Variants in ATP2B2 observed in about 807,000 individuals in gnomAD.
ATP2B2 encodes the protein plasma membrane calcium-transporting ATPase 2.
ATP2B2 carries 15 observed loss-of-function variants against 120.0 expected under a neutral mutation model. That is an observed-to-expected ratio of 0.12 (90% CI 0.08 to 0.19). ATP2B2 has a LOEUF of 0.19. Ranked by LOEUF, ATP2B2 falls within the 10% of genes least tolerant of loss-of-function variation. The pLI, the probability that ATP2B2 is intolerant of heterozygous loss-of-function variation, is 1.00. For missense variants in ATP2B2, 1,045 were observed against 1,719.8 expected (o/e 0.61, Z 6.94); for synonymous variants, 694 against 700.3 (o/e 0.99, Z 0.14).
At chr3:10,368,874 C>T (rs1386992610) in intron 12 of ATP2B2, among the ~76,000 whole-genome samples, 1 of 152,208 alleles carries the variant, frequency 6.6e-6, no homozygotes, top group African/African-American at 2.4e-5. Context: ...ATTGATTGCT[C>T]ATCAACACAT....
chr3:10,464,686 T>C lies in ATP2B2; in HGVS notation c.-319-14824A>G, dbSNP rs183279899. On this transcript the variant is annotated intron_variant, in intron 1 of 22. Coordinates refer to ENST00000360273, the MANE Select transcript of ATP2B2 (RefSeq NM_001001331.4). ...CACTTAAGTCGTTCTCTGGCCTTAG[T>C]TGTCACTTCTCTGAAATGGAGACAA... 2.7e-3 allele frequency among the ~76,000 whole-genome samples: 411 copies of C among 152,310 alleles called. 4 individuals carry two copies. The highest frequency in any genetic ancestry group is 9.5e-3 in the African/African-American group (395 of 41,564).
chr3:10,470,886 A>G (rs1312822733), intron 1 of ATP2B2, among the ~76,000 whole-genome samples: 2 of 152,212 alleles, frequency 1.3e-5, no homozygotes, highest in Non-Finnish European at 2.9e-5. Context: ...AGACAGGGAC[A>G]TGCAGGTTGC....
At chr3:10,684,703 G>A (rs1187702266) in intron 1 of ATP2B2, among the ~76,000 whole-genome samples, 2 of 152,200 alleles carry the variant, frequency 1.3e-5, no homozygotes, top group Non-Finnish European at 2.9e-5. Flanking sequence ...CAATATGTCC[G>A]GATCAAGGTC....
At chr3:10,334,509 C>T (rs929511803) in intron 22 of ATP2B2, among the ~76,000 whole-genome samples, 5 of 152,122 alleles carry the variant, frequency 3.3e-5, no homozygotes, top group South Asian at 2.1e-4. Flanking sequence ...AGGATGGGAC[C>T]GGTGTTGCCT....
intron 3 of ATP2B2, among the ~76,000 whole-genome samples, chr3:10,520,769 TTC>T: frequency 6.6e-6 from 1 of 151,926 alleles, no homozygotes; most frequent in Non-Finnish European, 1.5e-5. Flanking sequence ...TTTTTTTTTT[TTC>T]TTTTTTTTCT....
chr3:10,695,013 AT>A (rs1483838824), intron 1 of ATP2B2, among the ~76,000 whole-genome samples: 2 of 151,998 alleles, frequency 1.3e-5, no homozygotes, highest in Non-Finnish European at 2.9e-5. Flanking sequence ...CACTCTTTGA[AT>A]TTTGGGTGAC....
At chr3:10,455,479 C>T (rs1267442879) in intron 1 of ATP2B2, among the ~76,000 whole-genome samples, 1 of 152,182 alleles carries the variant, frequency 6.6e-6, no homozygotes. Context: ...TGGGGATGAC[C>T]CTGTTTGTCT....
chr3:10,695,251 G>GGAGGGGGAGAGAGA (rs60247955), intron 1 of ATP2B2, among the ~76,000 whole-genome samples: 4,743 of 126,624 alleles, frequency 0.037, 131 homozygotes, highest in Middle Eastern at 0.062. Flanking sequence ...AGGGAGGGAG[G>GGAGGGGGAGAGAGA]GAGAGAGAGA....
At chr3:10,701,861 C>T (rs1224009167) in intron 1 of ATP2B2, among the ~76,000 whole-genome samples, 2 of 152,108 alleles carry the variant, frequency 1.3e-5, no homozygotes, top group African/African-American at 2.4e-5. Context: ...TATGTGCCTA[C>T]GTCTGAGCAT....
intron 3 of ATP2B2, among the ~76,000 whole-genome samples, chr3:10,410,257 G>C (rs2062562559): frequency 6.6e-6 from 1 of 152,298 alleles, no homozygotes; most frequent in South Asian, 2.1e-4. Flanking sequence ...CACCCAAGCA[G>C]TATATACTGA....
chr3:10,503,838 C>A (rs1001077074), intron 1 of ATP2B2, among the ~76,000 whole-genome samples: 3 of 152,248 alleles, frequency 2.0e-5, no homozygotes. Context: ...GTGCAGCCTA[C>A]TGCTTTCCCG....
chr3:10,423,128 C>T (rs1478809655), intron 2 of ATP2B2, among the ~76,000 whole-genome samples: 1 of 152,196 alleles, frequency 6.6e-6, no homozygotes, highest in Non-Finnish European at 1.5e-5. Context: ...CCAGAGAAAT[C>T]TGAATTTTAG....
intron 2 of ATP2B2, among the ~76,000 whole-genome samples, chr3:10,609,424 C>T (rs1416014357): frequency 6.6e-6 from 1 of 152,248 alleles, no homozygotes; most frequent in African/African-American, 2.4e-5. Flanking sequence ...AGCCCTGCTA[C>T]TCCAAGCCTC....
intron 2 of ATP2B2, among the ~76,000 whole-genome samples, chr3:10,441,296 C>T (rs925724082): frequency 1.3e-5 from 2 of 152,212 alleles, no homozygotes; most frequent in African/African-American, 4.8e-5. Context: ...ACTCTGTCAC[C>T]CAGGCTGATC....
intron 2 of ATP2B2, among the ~76,000 whole-genome samples, chr3:10,550,650 G>A (rs551406852): frequency 4.7e-4 from 72 of 152,098 alleles, no homozygotes; most frequent in Non-Finnish European, 9.6e-4. Flanking sequence ...CATTTCACGG[G>A]AACCCTGTCA....
intron 3 of ATP2B2, among the ~76,000 whole-genome samples, chr3:10,528,357 C>T (rs894985055): frequency 1.3e-5 from 2 of 152,148 alleles, no homozygotes; most frequent in Non-Finnish European, 2.9e-5. Context: ...ATCTTGCTTC[C>T]TCCAGGAAGC....
In ATP2B2 at chr3:10,386,598, C is replaced by T; in HGVS notation, c.908-86G>A. The T allele has an allele frequency of 5.7e-6, 8 of 1,415,742 alleles. No individual in the cohort carries two copies. In the South Asian group the frequency reaches 5.8e-5, roughly 10 times the overall value. 87.7% of individuals were successfully genotyped at this position (1,415,742 alleles called of 1,614,324 possible). A position where few individuals can be genotyped will look rare whatever the true frequency, so the allele number is the denominator to read the frequency against. On this transcript the variant is annotated intron_variant, in intron 6 of 22. Transcript: ENST00000360273. ...GCGCACGCGCACACACACAAACACA[C>T]ATGTGCATACACACATGGCCATACA...
rs772302944 is a variant in ATP2B2 at position 10,371,878 on chromosome 3, G to A, written c.1590C>T (p.Ile530=). 7.4e-6 allele frequency: 12 copies of A among 1,614,080 alleles called. No individual in the cohort carries two copies. In the African/African-American group the frequency reaches 1.6e-4, roughly 22 times the overall value. ...HYKEIPDPSS[I]NTKTMELLIN... ...TCAGCAGCTCCATGGTCTTGGTGTT[G>A]ATGGAGCTGGGGTCGGGGATCTCTT... is the stretch of plus-strand genomic sequence containing the variant. Residue 530 remains isoleucine, a synonymous_variant, in exon 12 of 23, where the codon ATC becomes ATT. Coordinates refer to ENST00000360273, the MANE Select transcript of ATP2B2 (RefSeq NM_001001331.4).
rs140901153 is a variant in ATP2B2 at position 10,606,193 on chromosome 3, A to G, written c.-415+13724T>C. Among the ~76,000 whole-genome samples, 529 of 152,266 alleles carry G rather than the reference A, an allele frequency of 3.5e-3. 3 individuals are homozygous for G. Among genetic ancestry groups the G allele is most frequent in the Non-Finnish European group, 4.6e-3 (313 of 68,020 alleles). On this transcript the variant is annotated intron_variant, in intron 2 of 21. Transcript: ENST00000646379. ...TTCCAGTGGAGGAGTTCAGTGTTCA[A>G]TCTGGGCTCTGCCGCTTGTGATCTG...
Sources: allele counts gnomAD v4.1 joint callset (sites outside exome capture counted in the v4.1 genomes callset), GRCh38; gene constraint gnomAD v4.1.1; transcripts MANE v1.5; gene names NCBI Gene and HGNC (gene_info 2026-07-23, HGNC 2026-07-21).